Variants in FARP2 observed in about 807,000 individuals in gnomAD.
The protein encoded by FARP2 is FERM, ARH/RhoGEF and pleckstrin domain protein 2.
FARP2 carries 111 observed loss-of-function variants against 130.5 expected under a neutral mutation model. That is an observed-to-expected ratio of 0.85 (90% CI 0.73 to 1.00). The LOEUF is 1.00. Ranked by LOEUF, FARP2 falls within the 50% of genes least tolerant of loss-of-function variation. The pLI is 0.00. For synonymous variants in FARP2, 504 were observed against 516.9 expected (o/e 0.98, Z 0.34); for missense variants, 1,385 against 1,346.3 (o/e 1.03, Z -0.45).
chr2:241,466,556 C>T (rs1206297264), intron 17 of FARP2: 1 of 985,316 alleles, frequency 1.0e-6, no homozygotes, highest in East Asian at 1.1e-4. Context: ...TTGGCCACTT[C>T]CACCTCCCGC....
At chr2:241,441,813 AGACGAT>A (rs1244114986) in intron 13 of FARP2, 1 of 586,440 alleles carries the variant, frequency 1.7e-6, no homozygotes, top group Non-Finnish European at 3.1e-6. Flanking sequence ...AGGAGTTCAT[AGACGAT>A]GACCCAGCAG....
In FARP2 at chr2:241,443,265, T is replaced by A. The variant is rs1354686826; in HGVS notation, c.1411+1709T>A. On this transcript the variant is annotated intron_variant, in intron 13 of 26. Transcript: ENST00000264042. ...AAAGGCACCATGTCATTTTTTTTTT[T>A]AAAGGTGTCAAAGGGCCACTGCCTC... The A allele has an allele frequency of 3.2e-5, 5 of 154,112 alleles. No homozygotes were observed. The East Asian group carries it at 5.7e-4, about 18-fold the overall frequency. 9.5% of individuals were successfully genotyped at this position (154,112 alleles called of 1,614,324 possible).
chr2:241,400,832 G>A (rs1238870176), intron 2 of FARP2, among the ~76,000 whole-genome samples: 1 of 152,192 alleles, frequency 6.6e-6, no homozygotes, highest in Non-Finnish European at 1.5e-5. Flanking sequence ...TCATAGGGTT[G>A]TTTGGGCCCA....
chr2:241,429,713 A>G (rs946022952), intron 8 of FARP2, among the ~76,000 whole-genome samples: 1 of 151,866 alleles, frequency 6.6e-6, no homozygotes, highest in South Asian at 2.1e-4. Flanking sequence ...GCAAGACCCC[A>G]TCTCTACAAA....
At chr2:241,424,910 T>C (rs927688810) in intron 8 of FARP2, among the ~76,000 whole-genome samples, 9 of 151,992 alleles carry the variant, frequency 5.9e-5, no homozygotes, top group African/African-American at 2.2e-4. Flanking sequence ...AAGAAACTTA[T>C]AAAAACCCTA....
At chr2:241,398,729 C>T (rs561902829) in intron 2 of FARP2, among the ~76,000 whole-genome samples, 9 of 152,104 alleles carry the variant, frequency 5.9e-5, no homozygotes, top group South Asian at 4.2e-4. Context: ...CCACCACGCC[C>T]GGCTAATTTT....
intron 2 of FARP2, among the ~76,000 whole-genome samples, chr2:241,388,181 A>G (rs919002759): frequency 2.0e-5 from 3 of 152,244 alleles, no homozygotes; most frequent in Admixed American, 6.5e-5. Context: ...AGCAAAACTT[A>G]TTGTAAAGCT....
intron 12 of FARP2, among the ~76,000 whole-genome samples, chr2:241,437,243 T>G (rs538456107): frequency 5.9e-5 from 9 of 152,208 alleles, no homozygotes; most frequent in African/African-American, 1.2e-4. Flanking sequence ...TTTGGCATGA[T>G]TGCAACTATA....
chr2:241,434,165 A>G lies in FARP2; in HGVS notation c.875A>G (p.Tyr292Cys). Residue 292 changes from tyrosine (Y) to cysteine (C), a missense_variant, in exon 10 of 27, where the codon TAC (tyrosine) becomes TGC (cysteine). By Grantham distance (194) the Tyr-to-Cys change is radical (BLOSUM62 -2). Transcript: ENST00000264042. ...IKLHPEVHGPYQDTLEFLLGS... is the reference protein window; with the variant it reads ...IKLHPEVHGPCQDTLEFLLGS... Reference sequence around the variant, plus strand: ...TTTGTGTTTTGTTTCTAGGGACCTTACCAGGACACATTAGAATTTTTGTTG... The same window carrying G: ...TTTGTGTTTTGTTTCTAGGGACCTTGCCAGGACACATTAGAATTTTTGTTG... 1 of 1,609,388 alleles carries G rather than the reference A, an allele frequency of 6.2e-7. No individual in the cohort carries two copies. The highest frequency in any genetic ancestry group is 1.3e-5 in the African/African-American group (1 of 74,744).
intron 16 of FARP2, 62 bp from the exon 17 acceptor site, chr2:241,463,837 G>T: frequency 2.1e-6 from 3 of 1,433,080 alleles, no homozygotes; most frequent in Non-Finnish European, 2.9e-6. Flanking sequence ...CCCTGCGTCA[G>T]ATTACAGTGC....
In FARP2 at chr2:241,440,809, C is replaced by T. The variant is rs183517289; in HGVS notation, c.1159-495C>T. Among the ~76,000 whole-genome samples the T allele has an allele frequency of 5.5e-3, 831 of 152,180 alleles. 5 individuals carry two copies. The highest frequency in any genetic ancestry group is 0.027 in the Middle Eastern group (8 of 294). ...AACAAAACTATGAATCTCCTGGTAA[C>T]GGGATTCCAGGAAGACGTGGACCAC... On this transcript the variant is annotated intron_variant, in intron 12 of 26. Coordinates refer to ENST00000264042, the MANE Select transcript of FARP2 (RefSeq NM_014808.4).
intron 24 of FARP2, 28 bp from the exon 25 acceptor site, chr2:241,492,901 T>C (rs779340478): frequency 4.8e-5 from 65 of 1,347,842 alleles, no homozygotes; most frequent in Middle Eastern, 1.8e-4. Context: ...TGCTGGTTAA[T>C]GCACCTGCAT....
At chr2:241,366,961 T>C (rs964508341) in intron 1 of FARP2, among the ~76,000 whole-genome samples, 2 of 152,022 alleles carry the variant, frequency 1.3e-5, no homozygotes, top group Non-Finnish European at 2.9e-5. Flanking sequence ...AGCACCTGCC[T>C]TTTTATTTGG....
chr2:241,493,419 G>A lies in FARP2; in HGVS notation c.3022G>A (p.Ala1008Thr), dbSNP rs1420565195. Residue 1008 changes from alanine to threonine, a missense_variant, in exon 26 of 27, where the codon GCT becomes ACT. Coordinates refer to ENST00000264042, the MANE Select transcript of FARP2 (RefSeq NM_014808.4). The part of the protein sequence containing the change: ...QFKSHVYFFR[A>T]ESKYTFERWM... ...CAAATCCCACGTCTACTTCTTCCGGGCTGAGAGCAAGTACACATTTGAAAG... is the reference window on the plus strand; with the variant it reads ...CAAATCCCACGTCTACTTCTTCCGGACTGAGAGCAAGTACACATTTGAAAG... 1 of 1,613,890 alleles carries A rather than the reference G, an allele frequency of 6.2e-7. No individual in the cohort carries two copies. The highest frequency in any genetic ancestry group is 1.3e-5 in the African/African-American group (1 of 75,038).
intron 21 of FARP2, among the ~76,000 whole-genome samples, chr2:241,487,746 C>CCTTTTTT (rs1372509493): frequency 5.5e-5 from 4 of 73,224 alleles, no homozygotes; most frequent in Admixed American, 2.4e-4. Context: ...CTAGCCTACT[C>CCTTTTTT]TTTTTTTTTT....
chr2:241,376,726 G>A (rs1367271821), intron 2 of FARP2, among the ~76,000 whole-genome samples: 1 of 152,240 alleles, frequency 6.6e-6, no homozygotes, highest in Admixed American at 6.5e-5. Flanking sequence ...GACAGACTGT[G>A]GTCAGGTGGT....
At chr2:241,363,055 C>T (rs762744116) in intron 1 of FARP2, among the ~76,000 whole-genome samples, 1 of 152,198 alleles carries the variant, frequency 6.6e-6, no homozygotes, top group African/African-American at 2.4e-5. Context: ...CGGTAACAGG[C>T]GGATGGGAGA....
intron 2 of FARP2, among the ~76,000 whole-genome samples, chr2:241,378,362 C>G (rs11681267): frequency 0.19 from 28,176 of 150,190 alleles, 3,030 homozygotes; most frequent in Middle Eastern, 0.35. Flanking sequence ...CCGCCTCCCC[C>G]CCTCGGCCTC....
At chr2:241,437,660 TTA>T (rs1451947396) in intron 12 of FARP2, among the ~76,000 whole-genome samples, 56 of 143,190 alleles carry the variant, frequency 3.9e-4, no homozygotes, top group African/African-American at 1.4e-3. Context: ...ATTTATTTAT[TTA>T]TTTATTTATT....
Sources: allele counts gnomAD v4.1 joint callset (sites outside exome capture counted in the v4.1 genomes callset), GRCh38; gene constraint gnomAD v4.1.1; transcripts MANE v1.5; gene names NCBI Gene and HGNC (gene_info 2026-07-23, HGNC 2026-07-21).